Variants in ACACB observed in about 807,000 individuals in gnomAD.
The protein encoded by ACACB is acetyl-CoA carboxylase beta.
ACACB carries 209 observed loss-of-function variants against 278.8 expected under a neutral mutation model. That is an observed-to-expected ratio of 0.75 (90% CI 0.67 to 0.84). The LOEUF is 0.84. Ranked by LOEUF, ACACB falls within the 40% of genes least tolerant of loss-of-function variation. ACACB has a pLI of 0.00. For missense variants in ACACB, 2,850 were observed against 3,269.0 expected (o/e 0.87, Z 3.13); for synonymous variants, 1,174 against 1,285.6 (o/e 0.91, Z 1.86).
intron 17 of ACACB, among the ~76,000 whole-genome samples, 153 bp downstream of exon 17, chr12:109,197,306 C>A (rs2045172534): frequency 1.3e-5 from 2 of 152,134 alleles, no homozygotes; most frequent in African/African-American, 4.8e-5. Context: ...AAGTTAATCT[C>A]TTGGTTGGAA....
At chr12:109,242,215 T>C in intron 36 of ACACB, 1 of 514,548 alleles carries the variant, frequency 1.9e-6, no homozygotes. Context: ...TTGATCACTG[T>C]ATTTTTGGAA....
chr12:109,167,783 G>A (rs2043968215), intron 3 of ACACB, 113 bp from the exon 4 acceptor site: 4 of 1,492,072 alleles, frequency 2.7e-6, no homozygotes, highest in South Asian at 1.2e-5. Flanking sequence ...GAGGAATGAT[G>A]TGCTGCGGGG....
chr12:109,238,426 AAT>A (rs2046697888), intron 34 of ACACB, among the ~76,000 whole-genome samples: 1 of 137,912 alleles, frequency 7.3e-6, no homozygotes, highest in Non-Finnish European at 1.5e-5. Flanking sequence ...TAATATATAT[AAT>A]ATATTATATA....
At chr12:109,262,544 G>A (rs141125135) in intron 49 of ACACB, 75 bp downstream of exon 49, 1 of 860,430 alleles carries the variant, frequency 1.2e-6, no homozygotes, top group African/African-American at 1.7e-5. Flanking sequence ...GGGTTTCTAG[G>A]ATGTTAAAAA....
rs538139462 is a variant in ACACB at position 109,242,622 on chromosome 12, C to A, written c.5178+30C>A. The A allele has an allele frequency of 5.0e-6, 8 of 1,611,508 alleles. No homozygotes were observed. The African/African-American group carries it at 9.3e-5, about 19-fold the overall frequency. ...GTCCGGCGGCTCAGACGCGGTACCC[C>A]CTGGGTCCTCCCAGCAGACTCCACC... On this transcript the variant is annotated intron_variant, in intron 37 of 52. Coordinates refer to ENST00000338432, the MANE Select transcript of ACACB (RefSeq NM_001093.4).
chr12:109,223,723 C>A (rs533552525), intron 26 of ACACB, 92 bp from the exon 27 acceptor site: 31 of 1,197,672 alleles, frequency 2.6e-5, no homozygotes, highest in Admixed American at 1.7e-5. Context: ...GATCACACCA[C>A]TGCACTCCAG....
intron 1 of ACACB, among the ~76,000 whole-genome samples, chr12:109,133,864 T>TATATATATATATATA (rs1555202940): frequency 7.4e-4 from 18 of 24,182 alleles, no homozygotes; most frequent in African/African-American, 1.7e-3. Context: ...TATATATATA[T>TATATATATATATATA]TTTTTTTTTT....
At position 109,222,809 on chromosome 12, in the gene ACACB, C is replaced by T; in HGVS notation, c.3689C>T (p.Ala1230Val). 1.2e-6 allele frequency: 2 copies of T among 1,613,308 alleles called. No homozygotes were observed. Among genetic ancestry groups the T allele is most frequent in the Non-Finnish European group, 1.7e-6 (2 of 1,179,566 alleles). Reference protein sequence around the residue: ...VALRARQILIASHLPSYELRH... With the variant: ...VALRARQILIVSHLPSYELRH... ...TCCCTCCCCCTGCAGATCCTGATTG[C>T]CTCCCACCTCCCCTCCTACGAGCTG... Residue 1230 changes from alanine (A) to valine (V), a missense_variant, in exon 26 of 53, where the codon GCC becomes GTC. By Grantham distance (64) the Ala-to-Val change is moderately conservative (BLOSUM62 0). Coordinates refer to ENST00000338432, the MANE Select transcript of ACACB (RefSeq NM_001093.4).
At chr12:109,249,860 C>G in intron 40 of ACACB, 124 bp from the exon 41 acceptor site, 1 of 1,323,608 alleles carries the variant, frequency 7.6e-7, no homozygotes, top group South Asian at 1.6e-5. Context: ...CATTTTGCCT[C>G]TGGATGCTTT....
At chr12:109,213,189 G>A (rs559604538) in intron 22 of ACACB, among the ~76,000 whole-genome samples, 2 of 152,114 alleles carry the variant, frequency 1.3e-5, no homozygotes, top group Non-Finnish European at 2.9e-5. Flanking sequence ...TCAGCCTCCC[G>A]AATAGCTGGG....
intron 2 of ACACB, among the ~76,000 whole-genome samples, chr12:109,150,261 G>A (rs868337770): frequency 3.3e-5 from 5 of 152,190 alleles, no homozygotes; most frequent in South Asian, 2.1e-4. Context: ...GAGATCGAGT[G>A]GGAGCAAGTG....
intron 2 of ACACB, among the ~76,000 whole-genome samples, chr12:109,166,218 T>A (rs957835196): frequency 2.0e-5 from 3 of 152,204 alleles, no homozygotes; most frequent in African/African-American, 7.2e-5. Context: ...GTGGACTTCT[T>A]CCCTGATCAT....
At chr12:109,235,576 A>G (rs775095843) in intron 32 of ACACB, 30 bp from the exon 33 acceptor site, 7 of 1,602,848 alleles carry the variant, frequency 4.4e-6, no homozygotes, top group Admixed American at 3.3e-5. Flanking sequence ...GCTTGATTTA[A>G]TTGTCTTGTG....
At chr12:109,210,946 G>A (rs1434419109) in intron 21 of ACACB, among the ~76,000 whole-genome samples, 1 of 149,540 alleles carries the variant, frequency 6.7e-6, no homozygotes, top group African/African-American at 2.5e-5. Flanking sequence ...TTGTGAACAT[G>A]TTAAAAAAAA....
At chr12:109,194,610 C>CTGTGTGTG (rs144545047) in intron 16 of ACACB, among the ~76,000 whole-genome samples, 648 of 95,192 alleles carry the variant, frequency 6.8e-3, no homozygotes, top group African/African-American at 0.013. Flanking sequence ...GCCTCTGCCT[C>CTGTGTGTG]TGTGTGTGTG....
chr12:109,210,774 C>T (rs1320632574), intron 21 of ACACB, among the ~76,000 whole-genome samples: 2 of 150,754 alleles, frequency 1.3e-5, no homozygotes, highest in Non-Finnish European at 2.9e-5. Context: ...ATTAGCTGGG[C>T]GTGGTGTTGC....
intron 13 of ACACB, 79 bp downstream of exon 13, chr12:109,188,241 C>G: frequency 7.4e-7 from 1 of 1,354,056 alleles, no homozygotes; most frequent in African/African-American, 1.5e-5. Context: ...TTCCCTCTCT[C>G]CCTTCTTCCC....
chr12:109,203,423 T>C (rs894922689), intron 19 of ACACB, among the ~76,000 whole-genome samples: 5 of 152,174 alleles, frequency 3.3e-5, no homozygotes, highest in South Asian at 2.1e-4. Context: ...CTTTAAAAAA[T>C]TGTGCTCACC....
At chr12:109,166,213 C>T (rs1017858620) in intron 2 of ACACB, among the ~76,000 whole-genome samples, 1 of 152,172 alleles carries the variant, frequency 6.6e-6, no homozygotes, top group Admixed American at 6.5e-5. Context: ...AATGTGTGGA[C>T]TTCTTCCCTG....
Sources: allele counts gnomAD v4.1 joint callset (sites outside exome capture counted in the v4.1 genomes callset), GRCh38; gene constraint gnomAD v4.1.1; transcripts MANE v1.5; gene names NCBI Gene and HGNC (gene_info 2026-07-23, HGNC 2026-07-21).